The following LPP variants were observed in gnomAD, a reference collection of about 807,000 sequenced individuals.
The protein encoded by LPP is LIM domain containing preferred translocation partner in lipoma, also known as lipoma-preferred partner.
Under a neutral mutation model 60.4 loss-of-function variants are expected in LPP, and 38 were observed. The ratio of observed to expected loss-of-function variants is 0.63; its 90% CI spans 0.49 to 0.83. LPP has a LOEUF of 0.83. LPP is among the 40% of genes least tolerant of loss of function. The pLI, the probability that LPP is intolerant of heterozygous loss-of-function variation, is 0.00. For synonymous variants in LPP, 328 were observed against 290.8 expected, an observed-to-expected ratio of 1.13 and a Z score of -1.30; for missense variants, 902 against 783.6, an observed-to-expected ratio of 1.15 and a Z score of -1.80.
At chr3:188,632,598 C>A (rs1347001691) in intron 7 of LPP, among the ~76,000 whole-genome samples, 1 of 152,206 alleles carries the variant, frequency 6.6e-6, no homozygotes, top group Non-Finnish European at 1.5e-5. Context: ...TCAGCTGAAG[C>A]TGAGAACATC....
At chr3:188,160,845 A>C (rs1718047578) in intron 1 of LPP, among the ~76,000 whole-genome samples, 1 of 152,220 alleles carries the variant, frequency 6.6e-6, no homozygotes, top group Non-Finnish European at 1.5e-5. Context: ...GGCTCTAATA[A>C]AGTAATGAGC....
rs144049872 is a variant in LPP, at chr3:188,763,305, A to G, written c.1410+3023A>G. Among the ~76,000 whole-genome samples, 93 of 149,524 alleles carry G rather than the reference A, an allele frequency of 6.2e-4. 2 individuals are homozygous for G. The East Asian group carries it at 0.018, about 29-fold the overall frequency. On this transcript the variant is annotated intron_variant, in intron 9 of 11. Coordinates refer to ENST00000617246, the MANE Select transcript of LPP (RefSeq NM_001375462.1). ...GAATATTCAAGATAGTGGCTTAATT[A>G]TTTTTGTATAAGGACCAGCATGTTT...
intron 5 of LPP, among the ~76,000 whole-genome samples, chr3:188,503,753 TA>T (rs1424704496): frequency 6.6e-6 from 1 of 152,096 alleles, no homozygotes; most frequent in Non-Finnish European, 1.5e-5. Context: ...GCACTTTGAA[TA>T]TATTGGCCCT....
intron 7 of LPP, among the ~76,000 whole-genome samples, chr3:188,696,275 C>A (rs1232541297): frequency 6.6e-6 from 1 of 152,086 alleles, no homozygotes; most frequent in Non-Finnish European, 1.5e-5. Context: ...CATTGATACA[C>A]TTGAATAATA....
intron 5 of LPP, among the ~76,000 whole-genome samples, chr3:188,495,600 A>T (rs1466384846): frequency 1.3e-5 from 2 of 152,208 alleles, no homozygotes; most frequent in Non-Finnish European, 2.9e-5. Flanking sequence ...AGTAACCATG[A>T]ACCTCCGAGG....
At chr3:188,293,863 G>A (rs906815851) in intron 2 of LPP, among the ~76,000 whole-genome samples, 2 of 151,794 alleles carry the variant, frequency 1.3e-5, no homozygotes, top group Non-Finnish European at 2.9e-5. Flanking sequence ...TCAGGAGTTC[G>A]AGACCAGTCT....
chr3:188,225,860 T>C (rs578103119), intron 2 of LPP, among the ~76,000 whole-genome samples: 1 of 152,306 alleles, frequency 6.6e-6, no homozygotes, highest in Admixed American at 6.5e-5. Context: ...TCATTTGGCA[T>C]GGAAGAAAGT....
At chr3:188,452,842 C>T (rs1024115935) in intron 4 of LPP, among the ~76,000 whole-genome samples, 2 of 152,150 alleles carry the variant, frequency 1.3e-5, no homozygotes, top group African/African-American at 4.8e-5. Flanking sequence ...TGAAGAATCT[C>T]TGTTTTGTCA....
At chr3:188,395,479 A>AG (rs1288421513) in intron 3 of LPP, among the ~76,000 whole-genome samples, 2 of 152,032 alleles carry the variant, frequency 1.3e-5, no homozygotes, top group African/African-American at 2.4e-5. Context: ...CAAGCAATCC[A>AG]GGGTCTCCTC....
intron 6 of LPP, among the ~76,000 whole-genome samples, chr3:188,545,502 A>G (rs1826386769): frequency 1.3e-5 from 2 of 152,080 alleles, no homozygotes; most frequent in South Asian, 4.1e-4. Context: ...TTACTCACAT[A>G]TCTGCAATTT....
chr3:188,240,963 T>C (rs1724406087), intron 2 of LPP, among the ~76,000 whole-genome samples: 2 of 152,348 alleles, frequency 1.3e-5, no homozygotes, highest in African/African-American at 2.4e-5. Flanking sequence ...ATATGATTCT[T>C]TTATTTTTAA....
intron 2 of LPP, among the ~76,000 whole-genome samples, chr3:188,296,155 AT>A (rs1156644086): frequency 6.6e-6 from 1 of 152,176 alleles, no homozygotes; most frequent in African/African-American, 2.4e-5. Flanking sequence ...TTCCCACTAA[AT>A]GTTTAACTTG....
chr3:188,499,289 C>T (rs181879289), intron 5 of LPP, among the ~76,000 whole-genome samples: 93 of 152,220 alleles, frequency 6.1e-4, no homozygotes, highest in African/African-American at 2.1e-3. Context: ...GGATCCATTT[C>T]GAGTTAACTT....
chr3:188,402,748 C>T (rs1243486747), intron 3 of LPP, among the ~76,000 whole-genome samples: 1 of 152,164 alleles, frequency 6.6e-6, no homozygotes, highest in East Asian at 1.9e-4. Context: ...TTGGAGTTTC[C>T]AACTTGTTGG....
chr3:188,874,240 G>C, intron 11 of LPP, 111 bp from the exon 12 acceptor site: 1 of 907,844 alleles, frequency 1.1e-6, no homozygotes, highest in Non-Finnish European at 1.7e-6. Flanking sequence ...AGGAAGGATA[G>C]TAAGTGGCCA....
chr3:188,321,748 C>A (rs778754282), intron 2 of LPP, among the ~76,000 whole-genome samples: 1 of 152,176 alleles, frequency 6.6e-6, no homozygotes, highest in African/African-American at 2.4e-5. Context: ...TTTCTACCAT[C>A]CTTTTTCCCC....
chr3:188,598,836 C>G (rs1840496031), intron 6 of LPP, among the ~76,000 whole-genome samples: 1 of 152,114 alleles, frequency 6.6e-6, no homozygotes, highest in African/African-American at 2.4e-5. Context: ...ATTTTCAGTG[C>G]TACCAGTCAT....
At chr3:188,871,456 C>G (rs547728056) in intron 10 of LPP, among the ~76,000 whole-genome samples, 1 of 152,246 alleles carries the variant, frequency 6.6e-6, no homozygotes, top group Admixed American at 6.5e-5. Flanking sequence ...TAGATTGCAG[C>G]CATACAGATG....
chr3:188,292,821 G>A (rs757708381), intron 2 of LPP, among the ~76,000 whole-genome samples: 2 of 152,168 alleles, frequency 1.3e-5, no homozygotes, highest in Non-Finnish European at 2.9e-5. Flanking sequence ...TTTGACAGAT[G>A]ACCTCCTTGA....
Sources: allele counts gnomAD v4.1 joint callset (sites outside exome capture counted in the v4.1 genomes callset), GRCh38; gene constraint gnomAD v4.1.1; transcripts MANE v1.5; gene names NCBI Gene and HGNC (gene_info 2026-07-23, HGNC 2026-07-21).